The following ALPK3 variants were observed in gnomAD, a reference collection of about 807,000 sequenced individuals.
The protein encoded by ALPK3 is alpha kinase 3.
A neutral mutation model predicts 140.0 loss-of-function variants in ALPK3; 102 were observed. The observed-to-expected ratio is 0.73, with a 90% CI of 0.62 to 0.86. The LOEUF (loss-of-function observed/expected upper bound fraction) is 0.86, where lower values mean the gene tolerates loss of function less well. Among genes scored for constraint, ALPK3 ranks in the 40% least tolerant of loss-of-function variants. The pLI, the probability that ALPK3 is intolerant of heterozygous loss-of-function variation, is 0.00. For missense variants in ALPK3, 2,254 were observed against 2,208.2 expected, an observed-to-expected ratio of 1.02 and a Z score of -0.42; for synonymous variants, 938 against 898.5, an observed-to-expected ratio of 1.04 and a Z score of -0.79.
chr15:84,856,490 C>A lies in ALPK3; in HGVS notation c.1752C>A (p.Ile584=), dbSNP rs758306488. 1 of 1,614,032 alleles carries A rather than the reference C, an allele frequency of 6.2e-7. No individual in the cohort carries two copies. The highest frequency in any genetic ancestry group is 8.5e-7 in the Non-Finnish European group (1 of 1,180,042). Residue 584 remains isoleucine (I), a synonymous_variant, in exon 6 of 14, where the codon ATC becomes ATA. Coordinates refer to ENST00000258888, the MANE Select transcript of ALPK3 (RefSeq NM_020778.5). ...TTAGCACTTCCGGAAGTCAAGGTAT[C>A]ATTGAACCCATGGATATGGAAACCC... is the stretch of plus-strand genomic sequence containing the variant. ...IGVSTSGSQG[I]IEPMDMETQE...
At chr15:84,867,889 G>A (rs1208120880) in intron 13 of ALPK3, among the ~76,000 whole-genome samples, 1 of 152,088 alleles carries the variant, frequency 6.6e-6, no homozygotes, top group Admixed American at 6.5e-5. Flanking sequence ...AGACCAGCCT[G>A]GGCCAAGTAG....
In ALPK3 at chr15:84,863,561, A is replaced by G; in HGVS notation, c.4420A>G (p.Ile1474Val). ...NYDVTIQGCK[I>V]QNMSREYCKI... ...GTTCCCTCATCCACAGGGGTGCAAGATCCAGAACATGAGTCGGGAGTACTG... is the reference window on the plus strand; with the variant it reads ...GTTCCCTCATCCACAGGGGTGCAAGGTCCAGAACATGAGTCGGGAGTACTG... The change falls in exon 11 of 14, where the codon ATC becomes GTC. Residue 1474 changes from isoleucine (I) to valine (V), a missense_variant. Physicochemically the swap from Ile to Val is conservative, Grantham distance 29. Transcript: ENST00000258888. The G allele has an allele frequency of 6.2e-7, 1 of 1,614,006 alleles. No homozygotes were observed.
intron 5 of ALPK3, among the ~76,000 whole-genome samples, chr15:84,842,814 TC>T (rs1963682186): frequency 6.6e-6 from 1 of 152,174 alleles, no homozygotes. Flanking sequence ...ATGCCTGGTC[TC>T]CTGTAGTTTT....
chr15:84,838,600 CATTATT>C (rs10625181), intron 3 of ALPK3, among the ~76,000 whole-genome samples: 7,889 of 115,002 alleles, frequency 0.069, 314 homozygotes, highest in African/African-American at 0.089. Context: ...TCTCTCCTCC[CATTATT>C]ATTATTATTA....
In ALPK3 at chr15:84,857,975, G is replaced by C; in HGVS notation, c.3237G>C (p.Glu1079Asp). The C allele has an allele frequency of 6.2e-7, 1 of 1,606,806 alleles. No homozygotes were observed. Among genetic ancestry groups the C allele is most frequent in the Non-Finnish European group, 8.5e-7 (1 of 1,177,018 alleles). ...TCCCTGCCATTGTGGTAGACGAGGA[G>C]GACCCTGGGCTGGCCTCAGAAGGAG... is the stretch of plus-strand genomic sequence containing the variant. ...LTVPAIVVDE[E>D]DPGLASEGAS... The change falls in exon 6 of 14, where the codon GAG (glutamate) becomes GAC (aspartate). Residue 1079 changes from glutamate (E) to aspartate (D), a missense_variant. By Grantham distance (45) the Glu-to-Asp change is conservative. This residue lies in a region of ALPK3 where 2,088 missense variants were observed against 2,022.9 expected (regional missense o/e 1.03). Coordinates refer to ENST00000258888, the MANE Select transcript of ALPK3 (RefSeq NM_020778.5).
chr15:84,857,988 G>T lies in ALPK3; in HGVS notation c.3250G>T (p.Ala1084Ser). The change falls in exon 6 of 14, where the codon GCC becomes TCC. Residue 1084 changes from alanine (A) to serine (S), a missense_variant. Transcript: ENST00000258888. ...IVVDEEDPGL[A>S]SEGASEGEGE... ...GGTAGACGAGGAGGACCCTGGGCTG[G>T]CCTCAGAAGGAGCCAGTGAGGGTGA... is the stretch of plus-strand genomic sequence containing the variant. The T allele has an allele frequency of 6.2e-7, 1 of 1,601,144 alleles. No homozygotes were observed. Among genetic ancestry groups the T allele is most frequent in the East Asian group, 2.2e-5 (1 of 44,638 alleles).
intron 5 of ALPK3, among the ~76,000 whole-genome samples, chr15:84,844,074 C>T (rs1310692440): frequency 2.0e-5 from 3 of 152,080 alleles, no homozygotes; most frequent in Non-Finnish European, 2.9e-5. Context: ...ACTAACAATA[C>T]AAAAATTACC....
At chr15:84,832,050 A>G (rs1010729348) in intron 3 of ALPK3, among the ~76,000 whole-genome samples, 1 of 152,202 alleles carries the variant, frequency 6.6e-6, no homozygotes. Flanking sequence ...TACATTTCCA[A>G]ATAATAAACT....
Position 84,839,913 on chromosome 15 carries a change from A to G in ALPK3, c.634A>G (p.Thr212Ala), listed in dbSNP as rs1963638254. The G allele has an allele frequency of 2.5e-6, 4 of 1,613,818 alleles. No homozygotes were observed. The highest frequency in any genetic ancestry group is 2.5e-6 in the Non-Finnish European group (3 of 1,179,886). ...HEKAVPGEVD[T>A]LRKLSPDRFQ... is the part of the protein sequence containing the mutation. ...GAAGGCGGTGCCTGGGGAGGTCGAC[A>G]CTCTGCGCAAGCTCAGCCCCGACCG... Residue 212 changes from threonine (T) to alanine (A), a missense_variant, in exon 5 of 14, where the codon ACT becomes GCT. Thr to Ala is a moderately conservative substitution (Grantham distance 58, BLOSUM62 0). Transcript: ENST00000258888.
At chr15:84,855,979 T>C (rs920499775) in intron 5 of ALPK3, among the ~76,000 whole-genome samples, 1 of 152,194 alleles carries the variant, frequency 6.6e-6, no homozygotes, top group African/African-American at 2.4e-5. Context: ...TCACCCATAA[T>C]TCTATCCAAG....
In ALPK3 at chr15:84,870,288, C is replaced by G. The variant is rs1416546677; in HGVS notation, c.*1832C>G. ...TCCACATCTTCTGCCCCAGTGTGTC[C>G]CCACCTCTCCCAGCCTGTATACCCA... On this transcript the variant is annotated 3_prime_UTR_variant, in exon 14 of 14. Coordinates refer to ENST00000258888, the MANE Select transcript of ALPK3 (RefSeq NM_020778.5). The G allele has an allele frequency of 6.6e-6, 1 of 152,172 alleles. No individual in the cohort carries two copies. The highest frequency in any genetic ancestry group is 1.5e-5 in the Non-Finnish European group (1 of 68,082). The allele number at this position is 152,172 out of a possible 1,614,324, so 9.4% of individuals were successfully genotyped here. A position where few individuals can be genotyped will look rare whatever the true frequency, so the allele number is the denominator to read the frequency against.
At chr15:84,823,181 G>T (rs1222711201) in intron 1 of ALPK3, 149 bp from the exon 2 acceptor site, 5 of 794,632 alleles carry the variant, frequency 6.3e-6, no homozygotes, top group Non-Finnish European at 1.0e-5. Context: ...GTTGCTAAAT[G>T]GAGCAGGCCA....
Position 84,856,457 on chromosome 15 carries a change from C to T in ALPK3, c.1719C>T (p.Ser573=). 1.2e-6 allele frequency: 2 copies of T among 1,613,998 alleles called. No individual in the cohort carries two copies. The highest frequency in any genetic ancestry group is 1.7e-6 in the Non-Finnish European group (2 of 1,179,942). ...CCAGCAGCAGCTCTGATGTAGCCTC[C>T]ATTGGGGTTAGCACTTCCGGAAGTC... is the stretch of plus-strand genomic sequence containing the variant. ...MSASSSSDVA[S]IGVSTSGSQG... is the part of the protein sequence containing the mutation. Residue 573 remains serine, a synonymous_variant, in exon 6 of 14, where the codon TCC becomes TCT. Coordinates refer to ENST00000258888, the MANE Select transcript of ALPK3 (RefSeq NM_020778.5).
At chr15:84,852,918 T>A (rs1167999105) in intron 5 of ALPK3, among the ~76,000 whole-genome samples, 1 of 152,176 alleles carries the variant, frequency 6.6e-6, no homozygotes, top group Non-Finnish European at 1.5e-5. Context: ...GGATACCAAT[T>A]AGGAGGCTTT....
intron 3 of ALPK3, among the ~76,000 whole-genome samples, chr15:84,834,506 T>C (rs1963578664): frequency 2.0e-5 from 3 of 152,240 alleles, no homozygotes; most frequent in African/African-American, 7.2e-5. Flanking sequence ...ATCTGGCACA[T>C]AGTAAGTCTT....
chr15:84,838,185 G>T (rs1044935226), intron 3 of ALPK3, among the ~76,000 whole-genome samples: 1 of 152,164 alleles, frequency 6.6e-6, no homozygotes, highest in Non-Finnish European at 1.5e-5. Context: ...ACAGATAGAT[G>T]CTTTAGCCAT....
In ALPK3 at chr15:84,872,014, G is replaced by A. The variant is rs1483313712; in HGVS notation, c.*3558G>A. The stretch of plus-strand genomic sequence containing the variant: ...CTCTCAGAGCCACAGGTGTAGACAG[G>A]TGAAAACACTGGACAGTGAGTGAGC... On this transcript the variant is annotated 3_prime_UTR_variant, in exon 14 of 14. Coordinates refer to ENST00000258888, the MANE Select transcript of ALPK3 (RefSeq NM_020778.5). 1 of 152,290 alleles carries A rather than the reference G, an allele frequency of 6.6e-6. No homozygotes were observed. Among genetic ancestry groups the A allele is most frequent in the Non-Finnish European group, 1.5e-5 (1 of 68,082 alleles). The allele number at this position is 152,290 out of a possible 1,614,324, so 9.4% of individuals were successfully genotyped here. A position where few individuals can be genotyped will look rare whatever the true frequency, so the allele number is the denominator to read the frequency against.
chr15:84,844,411 A>C (rs1261264115), intron 5 of ALPK3, among the ~76,000 whole-genome samples: 2 of 152,152 alleles, frequency 1.3e-5, no homozygotes, highest in Non-Finnish European at 2.9e-5. Context: ...TGTCTCAAAA[A>C]ACAAAAGAAA....
intron 3 of ALPK3, among the ~76,000 whole-genome samples, chr15:84,833,985 G>GTGTT (rs1963573128): frequency 6.6e-6 from 1 of 151,866 alleles, no homozygotes; most frequent in African/African-American, 2.4e-5. Flanking sequence ...GTGTGTGTGT[G>GTGTT]TGTTTGCATG....
Sources: gnomAD v4.1 joint callset for allele counts (sites outside exome capture counted in the v4.1 genomes callset) on GRCh38, gnomAD v4.1.1 for gene constraint, gnomAD v4.1.1 regional missense constraint, MANE v1.5 for transcripts, NCBI Gene and HGNC (gene_info 2026-07-23, HGNC 2026-07-21) for gene names.